The following PIK3C2A variants were observed in gnomAD, a reference collection of about 807,000 sequenced individuals.
The protein encoded by PIK3C2A is phosphatidylinositol 4-phosphate 3-kinase C2 domain-containing subunit alpha.
Under a neutral mutation model 204.5 loss-of-function variants are expected in PIK3C2A, and 97 were observed. The observed-to-expected ratio is 0.47, with a 90% CI of 0.40 to 0.56. PIK3C2A has a LOEUF of 0.56. Ranked by LOEUF, PIK3C2A falls within the 20% of genes least tolerant of loss-of-function variation. The pLI is 0.00. For synonymous variants in PIK3C2A, 653 were observed against 664.4 expected, an observed-to-expected ratio of 0.98 and a Z score of 0.26; for missense variants, 1,735 against 1,969.2, an observed-to-expected ratio of 0.88 and a Z score of 2.25.
intron 1 of PIK3C2A, among the ~76,000 whole-genome samples, chr11:17,179,362 G>A (rs1034908362): frequency 5.3e-5 from 8 of 150,570 alleles, no homozygotes; most frequent in African/African-American, 1.7e-4. Context: ...GGGTCTCACC[G>A]TGTTGCCCAG....
intron 9 of PIK3C2A, among the ~76,000 whole-genome samples, chr11:17,135,463 C>T (rs1329085790): frequency 6.6e-6 from 1 of 152,000 alleles, no homozygotes; most frequent in Non-Finnish European, 1.5e-5. Flanking sequence ...CCATTAGTTG[C>T]TCTAAAACAA....
At chr11:17,129,616 C>T (rs533435018) in intron 12 of PIK3C2A, 149 bp from the exon 13 acceptor site, 3 of 605,662 alleles carry the variant, frequency 5.0e-6, no homozygotes, top group Admixed American at 3.1e-5. Context: ...ATTGAGAAGG[C>T]GTTTTTGCTC....
chr11:17,105,064 G>C lies in PIK3C2A; in HGVS notation c.3681+105C>G, dbSNP rs1040590567. On this transcript the variant is annotated intron_variant, in intron 23 of 32. Transcript: ENST00000691414. The stretch of plus-strand genomic sequence containing the variant: ...AAAAAGATGCTCTTTTCCTGACTTA[G>C]ACTAAATGACTATTTGGTCACCAGA... The C allele has an allele frequency of 4.9e-6, 4 of 810,188 alleles. No individual in the cohort carries two copies. In the African/African-American group the frequency reaches 5.2e-5, roughly 11 times the overall value. 50.2% of individuals were successfully genotyped at this position (810,188 alleles called of 1,614,324 possible).
intron 22 of PIK3C2A, among the ~76,000 whole-genome samples, chr11:17,108,102 C>T (rs1848887586): frequency 6.6e-6 from 1 of 152,178 alleles, no homozygotes. Flanking sequence ...AAACTTCTGG[C>T]CTCAAGGGAT....
At chr11:17,184,024 G>A (rs1319658658) in intron 1 of PIK3C2A, among the ~76,000 whole-genome samples, 1 of 151,970 alleles carries the variant, frequency 6.6e-6, no homozygotes, top group Non-Finnish European at 1.5e-5. Flanking sequence ...GGAGGCTGAA[G>A]TAGGACACTC....
At chr11:17,118,589 C>T in intron 18 of PIK3C2A, 56 bp downstream of exon 18, 1 of 795,238 alleles carries the variant, frequency 1.3e-6, no homozygotes, top group Non-Finnish European at 2.2e-6. Flanking sequence ...CAGGGTATGC[C>T]ATTTCTATAA....
At chr11:17,153,469 G>C (rs1277572213) in intron 3 of PIK3C2A, among the ~76,000 whole-genome samples, 2 of 151,172 alleles carry the variant, frequency 1.3e-5, no homozygotes, top group East Asian at 3.9e-4. Flanking sequence ...TTCAGCACCT[G>C]TAACTAGTAG....
chr11:17,191,777 A>G (rs1851953225), intron 1 of PIK3C2A, among the ~76,000 whole-genome samples: 1 of 152,140 alleles, frequency 6.6e-6, no homozygotes, highest in African/African-American at 2.4e-5. Context: ...TTTACAGTTT[A>G]GCTAACTCGG....
In PIK3C2A at chr11:17,118,504, A is replaced by T. The variant is rs548302351; in HGVS notation, c.3035+141T>A. The T allele has an allele frequency of 1.6e-4, 83 of 519,822 alleles. No homozygotes were observed. The South Asian group carries it at 2.7e-3, about 17-fold the overall frequency. 32.2% of individuals were successfully genotyped at this position (519,822 alleles called of 1,614,324 possible). Reference sequence around the variant, plus strand: ...AATTTTTGCATTAGAGGGTAAATTTAGCTCCTTTAAAATAATACCTTCAAT... The same window carrying T: ...AATTTTTGCATTAGAGGGTAAATTTTGCTCCTTTAAAATAATACCTTCAAT... On this transcript the variant is annotated intron_variant, in intron 18 of 32. Transcript: ENST00000691414.
In PIK3C2A at chr11:17,094,359, T is replaced by C. The variant is rs200084062; in HGVS notation, c.4353A>G (p.Glu1451=). The part of the protein sequence containing the change: ...HYIYVVRILR[E]GQIEPSFVFR... ...AGACAAATGATGGTTCAATCTGTCC[T>C]TCCCTCAAAATTCGGACTACATAAA... is the stretch of plus-strand genomic sequence containing the variant. Residue 1451 remains glutamate, a synonymous_variant, in exon 28 of 33, where the codon GAA becomes GAG. Coordinates refer to ENST00000691414, the MANE Select transcript of PIK3C2A (RefSeq NM_002645.4). 20 of 1,609,958 alleles carry C rather than the reference T, an allele frequency of 1.2e-5. No homozygotes were observed. Among genetic ancestry groups the C allele is most frequent in the Admixed American group, 3.4e-5 (2 of 59,662 alleles).
intron 27 of PIK3C2A, 29 bp downstream of exon 27, chr11:17,097,028 T>C (rs1848474348): frequency 7.8e-6 from 10 of 1,278,178 alleles, no homozygotes; most frequent in East Asian, 4.6e-5. Flanking sequence ...ACATGCATGA[T>C]TGTTTATGAA....
In PIK3C2A at chr11:17,176,279, T is replaced by C. The variant is rs146134006; in HGVS notation, c.-65-6473A>G. ...GCCTCAGCTTCCCAAAGTGCTGGGA[T>C]TACAGGTGTGAGCCACTGAGCCCAG... On this transcript the variant is annotated intron_variant, in intron 1 of 32. Coordinates refer to ENST00000691414, the MANE Select transcript of PIK3C2A (RefSeq NM_002645.4). 8.9e-3 allele frequency among the ~76,000 whole-genome samples: 1,356 copies of C among 151,836 alleles called. 27 individuals are homozygous for C. The highest frequency in any genetic ancestry group is 0.031 in the African/African-American group (1,279 of 41,374).
chr11:17,099,373 A>G (rs1439632018), intron 26 of PIK3C2A, among the ~76,000 whole-genome samples: 1 of 152,220 alleles, frequency 6.6e-6, no homozygotes, highest in African/African-American at 2.4e-5. Flanking sequence ...ATTAGTACAG[A>G]TAACATTTTA....
At chr11:17,137,432 T>TTTTTTTTTTTTAG (rs1849910512) in intron 8 of PIK3C2A, among the ~76,000 whole-genome samples, 1 of 150,318 alleles carries the variant, frequency 6.7e-6, no homozygotes, top group Admixed American at 6.7e-5. Flanking sequence ...CCTTTTTTTT[T>TTTTTTTTTTTTAG]GAGACGGACT....
rs570808885 is a variant in PIK3C2A, at chr11:17,165,477, T to C, written c.1065+3200A>G. Among the ~76,000 whole-genome samples, 73 of 152,094 alleles carry C rather than the reference T, an allele frequency of 4.8e-4. 1 individual carries two copies. In the Middle Eastern group the frequency reaches 0.014, roughly 28 times the overall value. On this transcript the variant is annotated intron_variant, in intron 2 of 32. Coordinates refer to ENST00000691414, the MANE Select transcript of PIK3C2A (RefSeq NM_002645.4). ...AAATAGCATGTTGTATCACTGGAGT[T>C]TGAAAAAGGGAGGGCTGGCAGACCT...
At chr11:17,125,816 TA>T (rs909457282) in intron 13 of PIK3C2A, among the ~76,000 whole-genome samples, 2 of 151,748 alleles carry the variant, frequency 1.3e-5, no homozygotes, top group Non-Finnish European at 2.9e-5. Flanking sequence ...AGATTTTCTA[TA>T]AAAAAAACTT....
At chr11:17,120,698 C>G (rs753761358) in intron 15 of PIK3C2A, among the ~76,000 whole-genome samples, 2 of 152,076 alleles carry the variant, frequency 1.3e-5, no homozygotes, top group Non-Finnish European at 2.9e-5. Flanking sequence ...TATGTAGATC[C>G]TCTTTTTTCC....
chr11:17,204,227 T>C (rs1362570523), intron 1 of PIK3C2A: 1 of 152,222 alleles, frequency 6.6e-6, no homozygotes, highest in Non-Finnish European at 1.5e-5. Context: ...AATGTGGCTG[T>C]TCCAAATTGA....
Position 17,089,667 on chromosome 11 carries a change from CTG to C in PIK3C2A, c.*69_*70del, listed in dbSNP as rs903863131. On this transcript the variant is annotated 3_prime_UTR_variant, in exon 33 of 33. Coordinates refer to ENST00000691414, the MANE Select transcript of PIK3C2A (RefSeq NM_002645.4). ...AATTAACAAGTGTGTGTGTGTGTGT[CTG>C]TGTGTGTGTGCATGTATGCATGCAC... 260 of 814,224 alleles carry C rather than the reference CTG, an allele frequency of 3.2e-4. No individual in the cohort carries two copies. The highest frequency in any genetic ancestry group is 4.2e-4 in the South Asian group (24 of 56,604). 50.4% of individuals were successfully genotyped at this position (814,224 alleles called of 1,614,324 possible).
Sources: gnomAD v4.1 joint callset for allele counts (sites outside exome capture counted in the v4.1 genomes callset) on GRCh38, gnomAD v4.1.1 for gene constraint, MANE v1.5 for transcripts, NCBI Gene and HGNC (gene_info 2026-07-23, HGNC 2026-07-21) for gene names.